Variants in RUFY4 observed in about 807,000 individuals in gnomAD.
The protein encoded by RUFY4 is RUN and FYVE domain-containing protein 4.
RUFY4 carries 73 observed loss-of-function variants against 69.0 expected under a neutral mutation model. The observed-to-expected ratio is 1.06, with a 90% CI of 0.88 to 1.29. The LOEUF is 1.29. Among genes scored for constraint, RUFY4 ranks in the 50% most tolerant of loss-of-function variants. The pLI, the probability that RUFY4 is intolerant of heterozygous loss-of-function variation, is 0.00. For missense variants in RUFY4, 770 were observed against 705.6 expected, an observed-to-expected ratio of 1.09 and a Z score of -1.03; for synonymous variants, 287 against 271.8, an observed-to-expected ratio of 1.06 and a Z score of -0.55.
At chr2:218,045,693 A>C (rs551752165) in intron 2 of RUFY4, among the ~76,000 whole-genome samples, 2 of 152,326 alleles carry the variant, frequency 1.3e-5, no homozygotes, top group East Asian at 3.9e-4. Context: ...TACCCAGTCC[A>C]ATAGCATAAT....
At chr2:218,087,737 G>C (rs1022999418) in intron 9 of RUFY4, among the ~76,000 whole-genome samples, 1 of 152,156 alleles carries the variant, frequency 6.6e-6, no homozygotes, top group Non-Finnish European at 1.5e-5. Context: ...GCCAAGGCAG[G>C]AGAATCACTT....
intron 2 of RUFY4, among the ~76,000 whole-genome samples, chr2:218,044,092 C>A (rs1278327553): frequency 6.6e-6 from 1 of 152,188 alleles, no homozygotes; most frequent in East Asian, 1.9e-4. Flanking sequence ...CCTTCTGAGC[C>A]TGCAAGGGTC....
chr2:218,059,208 C>T (rs1241669738), intron 3 of RUFY4: 1 of 152,152 alleles, frequency 6.6e-6, no homozygotes, highest in Non-Finnish European at 1.5e-5. Context: ...AAATTTCAGC[C>T]TTGGTTCTTT....
At chr2:218,090,090 C>G in exon 11 of RUFY4, 2 of 1,357,278 alleles carry the variant, frequency 1.5e-6, no homozygotes, top group Non-Finnish European at 2.0e-6. Flanking sequence ...GGCCTCCCAC[C>G]TGCCTGCCCA....
intron 3 of RUFY4, chr2:218,060,181 A>G (rs1453208435): frequency 1.7e-6 from 1 of 602,322 alleles, no homozygotes; most frequent in Non-Finnish European, 2.8e-6. Flanking sequence ...TAAATCATGC[A>G]AGGGAAACTA....
chr2:218,070,689 T>G (rs1478728591), intron 1 of RUFY4, 38 bp downstream of exon 3: 2 of 1,536,542 alleles, frequency 1.3e-6, no homozygotes, highest in Non-Finnish European at 1.7e-6. Context: ...GACTGAGTCA[T>G]GGGAGAAGTC....
chr2:218,051,762 G>A (rs539900308), intron 2 of RUFY4, among the ~76,000 whole-genome samples: 1 of 152,200 alleles, frequency 6.6e-6, no homozygotes, highest in African/African-American at 2.4e-5. Flanking sequence ...GACATCAGGG[G>A]TACCATGGCA....
At chr2:218,041,392 C>T (rs1275567708) in intron 2 of RUFY4, among the ~76,000 whole-genome samples, 1 of 152,168 alleles carries the variant, frequency 6.6e-6, no homozygotes, top group African/African-American at 2.4e-5. Context: ...GACATCTTAA[C>T]AGTATTGCGT....
upstream of RUFY4, among the ~76,000 whole-genome samples, chr2:218,064,370 A>G (rs899277398): frequency 6.6e-6 from 1 of 151,942 alleles, no homozygotes; most frequent in Non-Finnish European, 1.5e-5. Flanking sequence ...ACTCCTCTCC[A>G]ACTCCCTGCC....
intron 2 of RUFY4, among the ~76,000 whole-genome samples, chr2:218,055,895 CT>C (rs1689050654): frequency 6.6e-6 from 1 of 152,180 alleles, no homozygotes; most frequent in African/African-American, 2.4e-5. Flanking sequence ...ACTCCTACCC[CT>C]CTCATTGACT....
At chr2:218,088,712 A>G (rs1689951327) in intron 9 of RUFY4, among the ~76,000 whole-genome samples, 1 of 152,098 alleles carries the variant, frequency 6.6e-6, no homozygotes, top group Non-Finnish European at 1.5e-5. Flanking sequence ...TGTCAGTTGC[A>G]TTCTGATCTC....
exon 11 of RUFY4, chr2:218,090,263 T>G: frequency 2.8e-6 from 1 of 361,816 alleles, no homozygotes; most frequent in Non-Finnish European, 5.5e-6. Flanking sequence ...CAGGTGACTT[T>G]GGCGAAGCTC....
exon 9 of RUFY4, chr2:218,083,155 G>C: frequency 6.2e-7 from 1 of 1,613,758 alleles, no homozygotes; most frequent in Non-Finnish European, 8.5e-7. Flanking sequence ...TGGAGCAGAA[G>C]CAACAGGAGG....
chr2:218,050,256 T>A (rs535573665), intron 2 of RUFY4, among the ~76,000 whole-genome samples: 1 of 152,296 alleles, frequency 6.6e-6, no homozygotes, highest in East Asian at 1.9e-4. Flanking sequence ...TCAATAAAAT[T>A]CTTCTCCGCC....
At chr2:218,072,538 G>A (rs1689513664) in intron 3 of RUFY4, 39 bp downstream of exon 5, 10 of 1,533,694 alleles carry the variant, frequency 6.5e-6, no homozygotes, top group Non-Finnish European at 8.7e-6. Flanking sequence ...GACGGGGTGG[G>A]GGTAGACATA....
rs1023568026 is a variant in RUFY4 at position 218,083,360 on chromosome 2, G to T, written c.1502+104G>T. The T allele has an allele frequency of 1.9e-5, 27 of 1,409,878 alleles. 1 individual carries two copies. The South Asian group carries it at 3.6e-4, about 19-fold the overall frequency. 87.3% of individuals were successfully genotyped at this position (1,409,878 alleles called of 1,614,324 possible). ...ACTCCACTCACAACTCCCAAGCAGG[G>T]TTCTAGACCTTTTATATAAGCTAAC... On this transcript the variant is annotated intron_variant, in intron 9 of 10. Coordinates refer to ENST00000344321, the Ensembl canonical transcript of RUFY4.
intron 8 of RUFY4, among the ~76,000 whole-genome samples, chr2:218,080,987 T>C (rs1285305448): frequency 6.6e-6 from 1 of 152,184 alleles, no homozygotes; most frequent in African/African-American, 2.4e-5. Flanking sequence ...ATATTATCTG[T>C]CTCCTAACAT....
intron 8 of RUFY4, among the ~76,000 whole-genome samples, chr2:218,077,285 G>A (rs777664465): frequency 5.3e-5 from 8 of 152,060 alleles, no homozygotes; most frequent in Non-Finnish European, 7.4e-5. Context: ...TTCATCTTCC[G>A]TCATCACATT....
rs551068423 is a variant in RUFY4, at chr2:218,062,956, A to G, written c.-1071+4275A>G. Among the ~76,000 whole-genome samples the G allele has an allele frequency of 2.7e-5, 4 of 150,194 alleles. No individual in the cohort carries two copies. The South Asian group carries it at 8.5e-4, about 32-fold the overall frequency. On this transcript the variant is annotated intron_variant and NMD_transcript_variant, in intron 3 of 13. Transcript: ENST00000457754. ...TGGTGGCTCTCCAGCCTTGCTGGGGACCCTCCCTGTCCTGCATGTGTGTGC... is the reference window on the plus strand; with the variant it reads ...TGGTGGCTCTCCAGCCTTGCTGGGGGCCCTCCCTGTCCTGCATGTGTGTGC...
Sources: allele counts gnomAD v4.1 joint callset (sites outside exome capture counted in the v4.1 genomes callset), GRCh38; gene constraint gnomAD v4.1.1; transcripts MANE v1.5; gene names NCBI Gene and HGNC (gene_info 2026-07-23, HGNC 2026-07-21).